The following ZFHX4 variants were observed in gnomAD, a reference collection of about 807,000 sequenced individuals.
ZFHX4 encodes zinc finger homeobox 4, also known as zinc finger homeobox protein 4.
A neutral mutation model predicts 267.6 loss-of-function variants in ZFHX4; 56 were observed. The observed-to-expected ratio is 0.21, with a 90% CI of 0.17 to 0.26. ZFHX4 has a LOEUF of 0.26. Among genes scored for constraint, ZFHX4 ranks in the 10% least tolerant of loss-of-function variants. The pLI is 1.00. For missense variants in ZFHX4, 4,332 were observed against 4,420.0 expected, an observed-to-expected ratio of 0.98 and a Z score of 0.56; for synonymous variants, 1,778 against 1,665.6, an observed-to-expected ratio of 1.07 and a Z score of -1.64.
chr8:76,756,277 C>T (rs1301595552), intron 3 of ZFHX4, among the ~76,000 whole-genome samples: 1 of 152,124 alleles, frequency 6.6e-6, no homozygotes, highest in Non-Finnish European at 1.5e-5. Context: ...ATTTCACATG[C>T]TAGTGTAATT....
Position 76,854,536 on chromosome 8 carries a change from A to T in ZFHX4, c.7615A>T (p.Ile2539Leu), listed in dbSNP as rs1812649911. The part of the protein sequence containing the change: ...LERPMDMPYM[I>L]FDPNNPLMTG... Reference sequence around the variant, plus strand: ...AAGGCCCATGGACATGCCCTACATGATATTTGACCCCAACAATCCGCTGAT... The same window carrying T: ...AAGGCCCATGGACATGCCCTACATGTTATTTGACCCCAACAATCCGCTGAT... The change falls in exon 10 of 11, where the codon ATA becomes TTA. Residue 2539 changes from isoleucine (I) to leucine (L), a missense_variant. Physicochemically the swap from Ile to Leu is conservative, Grantham distance 5. Around this residue, in one of 7 missense-constraint regions of ZFHX4, gnomAD observed 1,648 missense variants for 1,625.0 expected, o/e 1.01. Transcript: ENST00000651372. 1.2e-6 allele frequency: 2 copies of T among 1,613,670 alleles called. No homozygotes were observed. Among genetic ancestry groups the T allele is most frequent in the Non-Finnish European group, 8.5e-7 (1 of 1,179,874 alleles).
Position 76,855,038 on chromosome 8 carries a change from G to A in ZFHX4, c.8117G>A (p.Gly2706Asp), listed in dbSNP as rs1255294073. 6.2e-7 allele frequency: 1 copy of A among 1,613,976 alleles called. No individual in the cohort carries two copies. The highest frequency in any genetic ancestry group is 1.7e-5 in the Admixed American group (1 of 60,020). The part of the protein sequence containing the change: ...SRHWNEGKQA[G>D]YSLPPSPLIS... ...CACTGGAATGAAGGAAAGCAGGCAG[G>A]TTACAGCTTGCCACCAAGCCCTTTA... Residue 2706 changes from glycine to aspartate, a missense_variant, in exon 10 of 11, where the codon GGT becomes GAT. Transcript: ENST00000651372.
chr8:76,718,968 C>T (rs1326162408), intron 3 of ZFHX4, among the ~76,000 whole-genome samples: 1 of 147,222 alleles, frequency 6.8e-6, no homozygotes, highest in Non-Finnish European at 1.5e-5. Flanking sequence ...CACACACACA[C>T]ATGCTTTTCC....
intron 4 of ZFHX4, among the ~76,000 whole-genome samples, chr8:76,800,227 C>A (rs1039878097): frequency 6.6e-6 from 1 of 152,036 alleles, no homozygotes; most frequent in African/African-American, 2.4e-5. Flanking sequence ...CTGAGCGTGG[C>A]AGAAGTGACA....
chr8:76,801,741 G>C (rs890476780), intron 4 of ZFHX4, among the ~76,000 whole-genome samples: 1 of 152,254 alleles, frequency 6.6e-6, no homozygotes, highest in African/African-American at 2.4e-5. Flanking sequence ...AAGGACTCAC[G>C]TGTATATATG....
intron 4 of ZFHX4, among the ~76,000 whole-genome samples, chr8:76,791,072 A>C (rs528560927): frequency 6.6e-6 from 1 of 152,338 alleles, no homozygotes; most frequent in East Asian, 1.9e-4. Flanking sequence ...ATTTGCTACA[A>C]AAAAGACAAG....
At chr8:76,765,744 C>G (rs978876364) in intron 3 of ZFHX4, among the ~76,000 whole-genome samples, 2 of 151,970 alleles carry the variant, frequency 1.3e-5, no homozygotes, top group Non-Finnish European at 2.9e-5. Context: ...GGCACAGTAC[C>G]GTTAGGTATG....
chr8:76,703,638 A>G (rs1808160902), intron 1 of ZFHX4: 1 of 155,604 alleles, frequency 6.4e-6, no homozygotes, highest in Admixed American at 6.3e-5. Flanking sequence ...TAGAATTATA[A>G]GTTATTTCTG....
intron 6 of ZFHX4, among the ~76,000 whole-genome samples, chr8:76,847,477 C>T (rs964549114): frequency 4.6e-5 from 7 of 151,664 alleles, no homozygotes; most frequent in African/African-American, 1.7e-4. Flanking sequence ...ACAAATGTAC[C>T]AACTCAAATA....
chr8:76,843,865 C>A (rs2131919656), intron 6 of ZFHX4, among the ~76,000 whole-genome samples: 1 of 152,188 alleles, frequency 6.6e-6, no homozygotes, highest in South Asian at 2.1e-4. Context: ...GTTTTTCATT[C>A]CCTTTAAAAA....
Position 76,852,074 on chromosome 8 carries a change from T to C in ZFHX4, c.5153T>C (p.Phe1718Ser). Residue 1718 changes from phenylalanine (F) to serine (S), a missense_variant, in exon 10 of 11, where the codon TTT becomes TCT. Phe to Ser is a radical substitution (Grantham distance 155, BLOSUM62 -2). This residue lies in a region of ZFHX4 where 1,371 missense variants were observed against 1,423.1 expected (regional missense o/e 0.96). Transcript: ENST00000651372. ...FFQPQFLNPA[F>S]LPHFPMTPEA... ...CAGCCTCAGTTTCTAAACCCAGCCTTTTTGCCTCATTTTCCTATGACCCCA... is the reference window on the plus strand; with the variant it reads ...CAGCCTCAGTTTCTAAACCCAGCCTCTTTGCCTCATTTTCCTATGACCCCA... 1 of 1,613,912 alleles carries C rather than the reference T, an allele frequency of 6.2e-7. No individual in the cohort carries two copies. Among genetic ancestry groups the C allele is most frequent in the Non-Finnish European group, 8.5e-7 (1 of 1,179,856 alleles).
chr8:76,833,271 A>G, intron 4 of ZFHX4, 67 bp from the exon 5 acceptor site: 2 of 1,427,678 alleles, frequency 1.4e-6, no homozygotes, highest in Non-Finnish European at 1.9e-6. Context: ...GGTTCTTGTA[A>G]TATTAGCCAT....
In ZFHX4 at chr8:76,854,716, G is replaced by A. The variant is rs373737718; in HGVS notation, c.7795G>A (p.Gly2599Ser). ...NCSEKEGGNS[G>S]EDQHRDKRLR... ...CAGTGAAAAAGAAGGAGGGAATAGC[G>A]GTGAAGACCAACACCGAGATAAACG... is the stretch of plus-strand genomic sequence containing the variant. The change falls in exon 10 of 11, where the codon GGT becomes AGT. Residue 2599 changes from glycine to serine, a missense_variant. Physicochemically the swap from Gly to Ser is moderately conservative, Grantham distance 56 (BLOSUM62 0). This residue lies in a region of ZFHX4 where 1,648 missense variants were observed against 1,625.0 expected (regional missense o/e 1.01). Coordinates refer to ENST00000651372, the MANE Select transcript of ZFHX4 (RefSeq NM_024721.5). The A allele has an allele frequency of 1.4e-5, 22 of 1,613,134 alleles. No individual in the cohort carries two copies. The highest frequency in any genetic ancestry group is 6.7e-5 in the East Asian group (3 of 44,822).
chr8:76,839,764 A>G (rs1330981978), intron 5 of ZFHX4, among the ~76,000 whole-genome samples: 1 of 152,164 alleles, frequency 6.6e-6, no homozygotes, highest in East Asian at 1.9e-4. Context: ...TAGTACATTT[A>G]GTTTTATATA....
intron 3 of ZFHX4, among the ~76,000 whole-genome samples, chr8:76,712,792 T>A (rs987654946): frequency 8.5e-5 from 13 of 152,200 alleles, no homozygotes; most frequent in African/African-American, 3.1e-4. Context: ...GTTTCAGATT[T>A]ATGTTCATTT....
intron 3 of ZFHX4, among the ~76,000 whole-genome samples, chr8:76,761,621 C>T (rs1809915354): frequency 6.6e-6 from 1 of 151,982 alleles, no homozygotes; most frequent in Non-Finnish European, 1.5e-5. Context: ...AAAAGAGATC[C>T]TTGGACCTCA....
chr8:76,802,483 C>T (rs185725216), intron 4 of ZFHX4, among the ~76,000 whole-genome samples: 37 of 152,276 alleles, frequency 2.4e-4, no homozygotes, highest in Admixed American at 2.2e-3. Context: ...CAAGCTTCTG[C>T]AAGCAAGTGG....
chr8:76,832,249 T>A (rs1203748452), intron 4 of ZFHX4, among the ~76,000 whole-genome samples: 1 of 152,216 alleles, frequency 6.6e-6, no homozygotes, highest in Admixed American at 6.5e-5. Flanking sequence ...TGTGACCATT[T>A]TTTTTAACTT....
At chr8:76,850,201 G>C (rs779483925) in intron 8 of ZFHX4, 44 bp from the exon 9 acceptor site, 1 of 1,454,304 alleles carries the variant, frequency 6.9e-7, no homozygotes, top group Non-Finnish European at 9.5e-7. Context: ...TGGAATTTGT[G>C]ATTTCTGGGG....
Sources: gnomAD v4.1 joint callset for allele counts (sites outside exome capture counted in the v4.1 genomes callset) on GRCh38, gnomAD v4.1.1 for gene constraint, gnomAD v4.1.1 regional missense constraint, MANE v1.5 for transcripts, NCBI Gene and HGNC (gene_info 2026-07-23, HGNC 2026-07-21) for gene names.